SLIT2: variants seen among roughly 807,000 people sequenced by gnomAD.
SLIT2 encodes slit homolog 2 protein.
SLIT2 carries 41 observed loss-of-function variants against 185.7 expected under a neutral mutation model. The ratio of observed to expected loss-of-function variants is 0.22; its 90% confidence interval spans 0.17 to 0.29. The LOEUF (loss-of-function observed/expected upper bound fraction) is 0.29, where lower values mean the gene tolerates loss of function less well. Among genes scored for constraint, SLIT2 ranks in the 10% least tolerant of loss-of-function variants. The probability of loss-of-function intolerance (pLI) is 1.00; values close to 1 mark genes in which losing one functional copy is unlikely to be tolerated. For synonymous variants in SLIT2, 693 were observed against 680.2 expected, an observed-to-expected ratio of 1.02 and a Z score of -0.29; for missense variants, 1,571 against 1,909.0, an observed-to-expected ratio of 0.82 and a Z score of 3.30.
At chr4:20,259,750 A>G (rs1354251178) in intron 3 of SLIT2, among the ~76,000 whole-genome samples, 1 of 151,846 alleles carries the variant, frequency 6.6e-6, no homozygotes, top group Non-Finnish European at 1.5e-5. Flanking sequence ...CTATTCTACT[A>G]AGACTAAGTC....
chr4:20,421,717 G>C (rs2109466014), intron 4 of SLIT2, among the ~76,000 whole-genome samples: 1 of 152,248 alleles, frequency 6.6e-6, no homozygotes, highest in Non-Finnish European at 1.5e-5. Context: ...CTGTGAGCAA[G>C]CTGATAAGTC....
chr4:20,287,421 T>A (rs1473623114), intron 4 of SLIT2, among the ~76,000 whole-genome samples: 18 of 152,176 alleles, frequency 1.2e-4, no homozygotes. Flanking sequence ...TTCCTGCTCC[T>A]TCACTGCCTG....
intron 4 of SLIT2, among the ~76,000 whole-genome samples, chr4:20,358,576 T>C (rs544253894): frequency 2.2e-4 from 33 of 152,270 alleles, no homozygotes; most frequent in African/African-American, 7.7e-4. Flanking sequence ...AGACAATCTG[T>C]CTCTAAGGTG....
chr4:20,255,032 G>C (rs991452977), intron 1 of SLIT2: 3 of 456,228 alleles, frequency 6.6e-6, no homozygotes, highest in African/African-American at 6.0e-5. Flanking sequence ...CGTTCTCTTT[G>C]TGAACGCCGA....
At chr4:20,391,443 T>C (rs1162602913) in intron 4 of SLIT2, among the ~76,000 whole-genome samples, 3 of 152,028 alleles carry the variant, frequency 2.0e-5, no homozygotes, top group African/African-American at 7.2e-5. Context: ...GGAAAGATCA[T>C]ATTTGGCATA....
intron 4 of SLIT2, among the ~76,000 whole-genome samples, chr4:20,298,982 A>G (rs373749832): frequency 3.4e-4 from 52 of 152,314 alleles, no homozygotes; most frequent in African/African-American, 1.2e-3. Flanking sequence ...ACCATTATTC[A>G]TAGTTGTAAT....
At chr4:20,420,729 C>T (rs1461999813) in intron 4 of SLIT2, among the ~76,000 whole-genome samples, 1 of 151,994 alleles carries the variant, frequency 6.6e-6, no homozygotes, top group East Asian at 1.9e-4. Context: ...GACACCCTAA[C>T]CTCCAATGCA....
chr4:20,577,477 C>T (rs1045529570), intron 29 of SLIT2, among the ~76,000 whole-genome samples: 13 of 152,174 alleles, frequency 8.5e-5, no homozygotes, highest in African/African-American at 2.9e-4. Flanking sequence ...CATTTTGCAC[C>T]TATTGCACAC....
At chr4:20,554,672 G>A (rs1053181476) in intron 26 of SLIT2, among the ~76,000 whole-genome samples, 5 of 152,168 alleles carry the variant, frequency 3.3e-5, no homozygotes, top group African/African-American at 1.2e-4. Context: ...ACTGATGGTA[G>A]TCAACTATAT....
chr4:20,431,971 TTGTG>T (rs142488449), intron 4 of SLIT2, among the ~76,000 whole-genome samples: 7 of 151,122 alleles, frequency 4.6e-5, no homozygotes, highest in African/African-American at 1.2e-4. Context: ...CTGTGTGTGT[TTGTG>T]TGTGTGTGTG....
intron 4 of SLIT2, among the ~76,000 whole-genome samples, chr4:20,361,909 T>G (rs1722773398): frequency 6.6e-6 from 1 of 152,164 alleles, no homozygotes; most frequent in Non-Finnish European, 1.5e-5. Context: ...GTCCTAAATT[T>G]TTTTTAACAA....
intron 18 of SLIT2, 152 bp downstream of exon 18, chr4:20,533,867 C>CACACACACACCGCT: frequency 1.6e-6 from 1 of 617,464 alleles, no homozygotes; most frequent in Non-Finnish European, 2.9e-6. Context: ...CACACCGCTA[C>CACACACACACCGCT]ACACACACAC....
chr4:20,371,119 G>A (rs1000889357), intron 4 of SLIT2, among the ~76,000 whole-genome samples: 3 of 151,946 alleles, frequency 2.0e-5, no homozygotes, highest in Admixed American at 1.3e-4. Context: ...TGTGGGTTTG[G>A]GAGTGCACAA....
chr4:20,278,283 C>G (rs1714367616), intron 4 of SLIT2, among the ~76,000 whole-genome samples: 1 of 151,890 alleles, frequency 6.6e-6, no homozygotes, highest in Admixed American at 6.6e-5. Flanking sequence ...AACCCACTCT[C>G]TGTCTTATTC....
intron 4 of SLIT2, among the ~76,000 whole-genome samples, chr4:20,401,654 A>G (rs1174825534): frequency 6.6e-6 from 1 of 151,836 alleles, no homozygotes; most frequent in Non-Finnish European, 1.5e-5. Flanking sequence ...TCTAAACTAC[A>G]TTCTACAACT....
chr4:20,404,109 T>C (rs778919228), intron 4 of SLIT2, among the ~76,000 whole-genome samples: 1 of 151,984 alleles, frequency 6.6e-6, no homozygotes, highest in Non-Finnish European at 1.5e-5. Flanking sequence ...CATTAGTGTG[T>C]GCATTCTTAG....
At chr4:20,581,187 C>G (rs1577965718) in intron 29 of SLIT2, among the ~76,000 whole-genome samples, 1 of 152,276 alleles carries the variant, frequency 6.6e-6, no homozygotes, top group East Asian at 1.9e-4. Context: ...GGAAATGTCT[C>G]TTCCAGGCCT....
intron 4 of SLIT2, among the ~76,000 whole-genome samples, chr4:20,271,865 A>C (rs1298610161): frequency 6.6e-6 from 1 of 152,092 alleles, no homozygotes; most frequent in Non-Finnish European, 1.5e-5. Flanking sequence ...ATAAGATGCC[A>C]GGGGAAGAAG....
chr4:20,520,868 T>G (rs1374511801), intron 12 of SLIT2, among the ~76,000 whole-genome samples: 1 of 152,184 alleles, frequency 6.6e-6, no homozygotes, highest in East Asian at 1.9e-4. Context: ...TGAGAAATAC[T>G]GATTTTGTAA....
Sources: allele counts gnomAD v4.1 joint callset (sites outside exome capture counted in the v4.1 genomes callset), GRCh38; gene constraint gnomAD v4.1.1; transcripts MANE v1.5; gene names NCBI Gene and HGNC (gene_info 2026-07-23, HGNC 2026-07-21).